The following EYS variants were observed in gnomAD, a reference collection of about 807,000 sequenced individuals.
EYS encodes the protein protein eyes shut homolog.
EYS carries 250 observed loss-of-function variants against 282.1 expected under a neutral mutation model. That is an observed-to-expected ratio of 0.89 (90% confidence interval 0.80 to 0.98). The LOEUF (loss-of-function observed/expected upper bound fraction) is 0.98, where lower values mean the gene tolerates loss of function less well. EYS is among the 50% of genes least tolerant of loss of function. EYS has a pLI of 0.00. For synonymous variants in EYS, 1,355 were observed against 1,282.9 expected (o/e 1.06, Z -1.20); for missense variants, 4,016 against 3,709.0 (o/e 1.08, Z -2.15).
chr6:64,880,149 C>T (rs762687818), intron 19 of EYS, among the ~76,000 whole-genome samples: 38 of 151,906 alleles, frequency 2.5e-4, no homozygotes, highest in Non-Finnish European at 3.4e-4. Context: ...TACACACAGG[C>T]GGAAAAAGCA....
At chr6:64,126,095 AGTT>A (rs1773777539) in intron 31 of EYS, among the ~76,000 whole-genome samples, 1 of 152,074 alleles carries the variant, frequency 6.6e-6, no homozygotes, top group South Asian at 2.1e-4. Context: ...ATTGTAAACT[AGTT>A]GTTGGTGGGA....
At chr6:64,554,224 C>A (rs951925263) in intron 26 of EYS, among the ~76,000 whole-genome samples, 4 of 152,036 alleles carry the variant, frequency 2.6e-5, no homozygotes, top group African/African-American at 4.8e-5. Flanking sequence ...TAAAACAACA[C>A]CCTACTTATG....
chr6:65,333,337 AT>A (rs2150312428), intron 11 of EYS, among the ~76,000 whole-genome samples: 1 of 151,792 alleles, frequency 6.6e-6, no homozygotes, highest in South Asian at 2.1e-4. Flanking sequence ...GTAATTGTAA[AT>A]TTATCAAGTT....
In EYS at chr6:63,898,402, A is replaced by G. The variant is rs202222872; in HGVS notation, c.7056-34044T>C. Among the ~76,000 whole-genome samples, 15 of 152,208 alleles carry G rather than the reference A, an allele frequency of 9.9e-5. No individual in the cohort carries two copies. The East Asian group carries it at 2.9e-3, about 29-fold the overall frequency. Reference sequence around the variant, plus strand: ...GCTGCTCAGGAGGCTGAGGCAGGAGAATCTTTTGAACCCGGGAGGCGGAGG... The same window carrying G: ...GCTGCTCAGGAGGCTGAGGCAGGAGGATCTTTTGAACCCGGGAGGCGGAGG... On this transcript the variant is annotated intron_variant, in intron 35 of 42. Coordinates refer to ENST00000503581, the MANE Select transcript of EYS (RefSeq NM_001142800.2).
intron 5 of EYS, among the ~76,000 whole-genome samples, chr6:65,464,800 T>C (rs1417195158): frequency 6.6e-6 from 1 of 152,188 alleles, no homozygotes; most frequent in Non-Finnish European, 1.5e-5. Flanking sequence ...AATCTGTAGA[T>C]GTTCAACAAG....
chr6:65,360,082 T>G (rs1243136203), intron 8 of EYS, among the ~76,000 whole-genome samples: 1 of 151,964 alleles, frequency 6.6e-6, no homozygotes, highest in Non-Finnish European at 1.5e-5. Flanking sequence ...GAACTATTAT[T>G]GTTAAAAATT....
intron 11 of EYS, among the ~76,000 whole-genome samples, chr6:65,299,319 A>G (rs567469344): frequency 1.4e-4 from 21 of 152,134 alleles, no homozygotes; most frequent in Admixed American, 2.6e-4. Flanking sequence ...AATAAATAAC[A>G]TATTTTTAAC....
intron 11 of EYS, among the ~76,000 whole-genome samples, chr6:65,318,518 C>T (rs12193047): frequency 7.0e-6 from 1 of 143,628 alleles, no homozygotes; most frequent in African/African-American, 2.5e-5. Flanking sequence ...CACCACTGAT[C>T]CTGGTTATAT....
At chr6:64,717,234 C>A (rs565882477) in intron 22 of EYS, among the ~76,000 whole-genome samples, 7 of 152,296 alleles carry the variant, frequency 4.6e-5, no homozygotes, top group Non-Finnish European at 8.8e-5. Context: ...TGTAGCTTGT[C>A]GCTTGCCAGT....
chr6:65,692,909 T>C (rs981440354), intron 1 of EYS, among the ~76,000 whole-genome samples: 1 of 150,164 alleles, frequency 6.7e-6, no homozygotes, highest in African/African-American at 2.4e-5. Flanking sequence ...TTGGAAATAA[T>C]AACTGCACCA....
chr6:64,526,192 G>A (rs959207654), intron 26 of EYS, among the ~76,000 whole-genome samples: 14 of 151,722 alleles, frequency 9.2e-5, no homozygotes, highest in South Asian at 2.1e-4. Flanking sequence ...AGAGAGCTAG[G>A]GGTGGGAGGA....
intron 10 of EYS, among the ~76,000 whole-genome samples, chr6:65,342,588 A>G (rs955501446): frequency 6.6e-6 from 1 of 150,638 alleles, no homozygotes; most frequent in Non-Finnish European, 1.5e-5. Context: ...AATTAAGAAA[A>G]TTATAAAAAT....
intron 25 of EYS, among the ~76,000 whole-genome samples, chr6:64,592,455 A>G: frequency 6.6e-6 from 1 of 152,300 alleles, no homozygotes; most frequent in East Asian, 1.9e-4. Context: ...AATTACATAG[A>G]TGAAAAATAG....
At chr6:64,012,857 T>G (rs1012289006) in intron 33 of EYS, among the ~76,000 whole-genome samples, 1 of 152,208 alleles carries the variant, frequency 6.6e-6, no homozygotes, top group Non-Finnish European at 1.5e-5. Context: ...ACACTGTTTT[T>G]AAAAAGCATC....
chr6:63,787,946 A>T (rs1366200649), intron 39 of EYS, among the ~76,000 whole-genome samples, 159 bp downstream of exon 39: 1 of 152,218 alleles, frequency 6.6e-6, no homozygotes, highest in East Asian at 1.9e-4. Flanking sequence ...TCTAAAAAAA[A>T]AATAGTAAAT....
intron 31 of EYS, among the ~76,000 whole-genome samples, chr6:64,154,627 A>G (rs1409036210): frequency 6.6e-6 from 1 of 152,150 alleles, no homozygotes; most frequent in East Asian, 1.9e-4. Flanking sequence ...TACAATAAAC[A>G]TAATATGTGC....
intron 26 of EYS, among the ~76,000 whole-genome samples, chr6:64,449,038 T>TC (rs1188591997): frequency 6.6e-6 from 1 of 152,020 alleles, no homozygotes; most frequent in Non-Finnish European, 1.5e-5. Flanking sequence ...GAGGAAGGCT[T>TC]CAGAAGATCA....
chr6:64,760,253 C>T (rs1387517411), intron 22 of EYS, among the ~76,000 whole-genome samples: 1 of 152,110 alleles, frequency 6.6e-6, no homozygotes, highest in East Asian at 1.9e-4. Context: ...AGCTTCTCCT[C>T]TCTTTGACAC....
At chr6:65,204,023 A>C (rs1765967173) in intron 12 of EYS, among the ~76,000 whole-genome samples, 1 of 152,138 alleles carries the variant, frequency 6.6e-6, no homozygotes, top group African/African-American at 2.4e-5. Context: ...AGTAACAAAA[A>C]GGATTTCAGA....
Sources: gnomAD v4.1 joint callset for allele counts (sites outside exome capture counted in the v4.1 genomes callset) on GRCh38, gnomAD v4.1.1 for gene constraint, MANE v1.5 for transcripts, NCBI Gene and HGNC (gene_info 2026-07-23, HGNC 2026-07-21) for gene names.